WDR7: variants seen among roughly 807,000 people sequenced by gnomAD.
The protein encoded by WDR7 is WD repeat domain 7, also known as WD repeat-containing protein 7.
In WDR7, 46 loss-of-function variants were observed where a neutral mutation model predicts 169.4. That is an observed-to-expected ratio of 0.27 (90% CI 0.21 to 0.35). WDR7 has a LOEUF of 0.35. Ranked by LOEUF, WDR7 falls within the 10% of genes least tolerant of loss-of-function variation. The pLI is 1.00. For missense variants in WDR7, 1,534 were observed against 1,859.3 expected, an observed-to-expected ratio of 0.83 and a Z score of 3.22; for synonymous variants, 612 against 666.8, an observed-to-expected ratio of 0.92 and a Z score of 1.27.
At chr18:56,695,822 C>CAT (rs923236779) in intron 11 of WDR7, among the ~76,000 whole-genome samples, 7 of 151,956 alleles carry the variant, frequency 4.6e-5, no homozygotes, top group Admixed American at 2.6e-4. Context: ...GAATGTCAAC[C>CAT]ATATATATAT....
chr18:57,006,316 G>GT (rs201264018), intron 26 of WDR7, among the ~76,000 whole-genome samples: 35,005 of 148,188 alleles, frequency 0.24, 4,650 homozygotes, highest in Non-Finnish European at 0.31. Flanking sequence ...CATCAAAGCA[G>GT]TTTTTTTTTT....
At chr18:56,652,537 G>A (rs904193046) in intron 1 of WDR7, among the ~76,000 whole-genome samples, 34 of 152,268 alleles carry the variant, frequency 2.2e-4, no homozygotes, top group African/African-American at 7.9e-4. Context: ...ATGAAGGTCA[G>A]CTTAAAAGTG....
chr18:56,843,201 CTTTT>C (rs2045513789), intron 20 of WDR7, among the ~76,000 whole-genome samples: 1 of 152,172 alleles, frequency 6.6e-6, no homozygotes, highest in Non-Finnish European at 1.5e-5. Flanking sequence ...CATTAGATCA[CTTTT>C]TTAAACTGTG....
intron 21 of WDR7, among the ~76,000 whole-genome samples, chr18:56,881,493 A>G (rs1165860662): frequency 6.6e-6 from 1 of 152,122 alleles, no homozygotes; most frequent in Non-Finnish European, 1.5e-5. Context: ...GTTTCCATCT[A>G]GTCTGTTGTT....
intron 18 of WDR7, among the ~76,000 whole-genome samples, chr18:56,781,152 C>T (rs950346503): frequency 6.2e-4 from 94 of 152,016 alleles, no homozygotes; most frequent in African/African-American, 2.2e-3. Context: ...AAAACAATAG[C>T]TCTCACAGTG....
intron 25 of WDR7, among the ~76,000 whole-genome samples, chr18:56,951,126 C>G (rs746118316): frequency 9.9e-5 from 15 of 152,198 alleles, no homozygotes; most frequent in Non-Finnish European, 1.8e-4. Flanking sequence ...CCTCTGACCT[C>G]CCTATGTATA....
chr18:56,719,540 A>C (rs987448998), intron 13 of WDR7, among the ~76,000 whole-genome samples: 3 of 143,984 alleles, frequency 2.1e-5, no homozygotes, highest in Admixed American at 1.4e-4. Context: ...CCAGCCTGGG[A>C]GACACAGCGA....
At chr18:56,794,649 C>T (rs1302807188) in intron 19 of WDR7, among the ~76,000 whole-genome samples, 1 of 152,104 alleles carries the variant, frequency 6.6e-6, no homozygotes, top group Non-Finnish European at 1.5e-5. Context: ...CTACACTACA[C>T]TTTGAATGCC....
intron 26 of WDR7, among the ~76,000 whole-genome samples, chr18:56,964,071 T>C (rs1006088295): frequency 2.0e-5 from 3 of 151,682 alleles, no homozygotes; most frequent in African/African-American, 7.3e-5. Flanking sequence ...GTGTGAGCAC[T>C]GTGAGGCGAC....
chr18:56,663,765 T>C (rs17230195), intron 1 of WDR7, among the ~76,000 whole-genome samples: 13,815 of 152,146 alleles, frequency 0.091, 914 homozygotes, highest in Admixed American at 0.19. Context: ...ATATTCTTCT[T>C]TGAACTTTTG....
intron 20 of WDR7, among the ~76,000 whole-genome samples, chr18:56,832,806 A>AC (rs2045336000): frequency 6.6e-6 from 1 of 152,180 alleles, no homozygotes; most frequent in Non-Finnish European, 1.5e-5. Flanking sequence ...AACAAAAAGA[A>AC]CACCCACACA....
At chr18:56,947,023 C>A (rs928312737) in intron 25 of WDR7, among the ~76,000 whole-genome samples, 1 of 152,142 alleles carries the variant, frequency 6.6e-6, no homozygotes, top group South Asian at 2.1e-4. Context: ...ATAGTGTCAT[C>A]TACTAATAAT....
chr18:56,791,151 G>A (rs564815439), intron 19 of WDR7, among the ~76,000 whole-genome samples: 22 of 152,146 alleles, frequency 1.4e-4, no homozygotes, highest in Non-Finnish European at 2.6e-4. Flanking sequence ...TTTTGTGTGT[G>A]TGTGTATAAT....
chr18:56,787,411 G>A (rs956035934), intron 19 of WDR7, among the ~76,000 whole-genome samples: 2 of 152,176 alleles, frequency 1.3e-5, no homozygotes, highest in Non-Finnish European at 2.9e-5. Flanking sequence ...TAAAGAGGGT[G>A]CCGTTGTAAT....
At chr18:56,706,535 C>A (rs2025959188) in intron 12 of WDR7, among the ~76,000 whole-genome samples, 1 of 152,176 alleles carries the variant, frequency 6.6e-6, no homozygotes, top group East Asian at 1.9e-4. Flanking sequence ...TAACGCTTGG[C>A]CTGTAATGAG....
intron 26 of WDR7, among the ~76,000 whole-genome samples, chr18:56,963,134 G>A (rs1309356727): frequency 6.6e-6 from 1 of 152,044 alleles, no homozygotes; most frequent in Non-Finnish European, 1.5e-5. Flanking sequence ...ATACCAGTTG[G>A]GAAGAGAGGG....
intron 11 of WDR7, among the ~76,000 whole-genome samples, 183 bp downstream of exon 11, chr18:56,695,381 T>TA (rs1180683435): frequency 2.0e-5 from 3 of 152,190 alleles, no homozygotes; most frequent in Non-Finnish European, 4.4e-5. Flanking sequence ...TTAGAATTAA[T>TA]ACAATGTAAT....
At chr18:56,662,018 T>C (rs528680267) in intron 1 of WDR7, among the ~76,000 whole-genome samples, 161 of 152,364 alleles carry the variant, frequency 1.1e-3, no homozygotes, top group Non-Finnish European at 9.8e-4. Context: ...TACAAACTTC[T>C]CATTCTTCTT....
chr18:56,757,496 A>G (rs2043911890), intron 15 of WDR7, 144 bp downstream of exon 15: 1 of 804,968 alleles, frequency 1.2e-6, no homozygotes, highest in Admixed American at 3.1e-5. Flanking sequence ...TACATTTTAA[A>G]ACACCAGTTT....
Sources: gnomAD v4.1 joint callset for allele counts (sites outside exome capture counted in the v4.1 genomes callset) on GRCh38, gnomAD v4.1.1 for gene constraint, MANE v1.5 for transcripts, NCBI Gene and HGNC (gene_info 2026-07-23, HGNC 2026-07-21) for gene names.